NCAM2: variants seen among roughly 807,000 people sequenced by gnomAD.
NCAM2 encodes the protein N-CAM-2.
Under a neutral mutation model 98.1 loss-of-function variants are expected in NCAM2, and 30 were observed. The observed-to-expected ratio is 0.31, with a 90% CI of 0.23 to 0.41. The LOEUF is 0.41. NCAM2 is among the 10% of genes least tolerant of loss of function. The probability of loss-of-function intolerance (pLI) is 1.00; values close to 1 mark genes in which losing one functional copy is unlikely to be tolerated. For synonymous variants in NCAM2, 368 were observed against 342.4 expected (o/e 1.07, Z -0.83); for missense variants, 867 against 1,005.8 (o/e 0.86, Z 1.87).
At chr21:21,159,997 C>A (rs925118556) in intron 1 of NCAM2, among the ~76,000 whole-genome samples, 1 of 151,930 alleles carries the variant, frequency 6.6e-6, no homozygotes, top group Non-Finnish European at 1.5e-5. Context: ...ATACGGAAGA[C>A]CTGAGAAAAG....
intron 6 of NCAM2, among the ~76,000 whole-genome samples, chr21:21,325,247 G>A (rs890500644): frequency 1.3e-5 from 2 of 152,092 alleles, no homozygotes; most frequent in Non-Finnish European, 2.9e-5. Context: ...AAACCATATA[G>A]TGAAAAATTA....
chr21:21,125,012 G>C (rs896410777), intron 1 of NCAM2, among the ~76,000 whole-genome samples: 13 of 151,872 alleles, frequency 8.6e-5, no homozygotes, highest in Non-Finnish European at 1.5e-4. Flanking sequence ...TAAAAGCAAA[G>C]GTAATAAATG....
At chr21:21,389,612 T>C (rs1274686459) in intron 9 of NCAM2, among the ~76,000 whole-genome samples, 1 of 152,208 alleles carries the variant, frequency 6.6e-6, no homozygotes, top group Admixed American at 6.5e-5. Flanking sequence ...CAGCCTCTGG[T>C]AACCACCATT....
chr21:21,313,790 CATT>C lies in NCAM2; in HGVS notation c.620-10589_620-10587del, dbSNP rs141112761. Among the ~76,000 whole-genome samples the C allele has an allele frequency of 6.2e-3, 946 of 152,050 alleles. 12 individuals are homozygous for C. The highest frequency in any genetic ancestry group is 0.022 in the African/African-American group (908 of 41,522). On this transcript the variant is annotated intron_variant, in intron 5 of 17. Transcript: ENST00000400546. ...CTGCTCTAAATTCTTGATTATTGAA[CATT>C]ATTTAGAATTGTATTTTACTGTATC...
At chr21:21,262,831 A>G (rs1006235123) in intron 1 of NCAM2, among the ~76,000 whole-genome samples, 1 of 152,114 alleles carries the variant, frequency 6.6e-6, no homozygotes, top group Non-Finnish European at 1.5e-5. Context: ...CAATCATGGC[A>G]GAAGGTGAAA....
chr21:21,493,629 A>G (rs567896047), intron 15 of NCAM2, among the ~76,000 whole-genome samples: 14 of 152,058 alleles, frequency 9.2e-5, no homozygotes, highest in African/African-American at 3.1e-4. Flanking sequence ...TAAATTAATA[A>G]TGACCTGTAT....
At chr21:21,104,017 GTGTC>G (rs2066295079) in intron 1 of NCAM2, among the ~76,000 whole-genome samples, 1 of 152,066 alleles carries the variant, frequency 6.6e-6, no homozygotes, top group Non-Finnish European at 1.5e-5. Context: ...ACAAAGAAGG[GTGTC>G]TTTGATATCC....
At chr21:21,392,051 G>A (rs1235063073) in intron 9 of NCAM2, among the ~76,000 whole-genome samples, 1 of 152,134 alleles carries the variant, frequency 6.6e-6, no homozygotes, top group African/African-American at 2.4e-5. Context: ...CATCACCCAG[G>A]TATTAAGCCT....
intron 1 of NCAM2, among the ~76,000 whole-genome samples, chr21:21,151,997 G>C (rs954464861): frequency 6.6e-6 from 1 of 151,828 alleles, no homozygotes; most frequent in African/African-American, 2.4e-5. Context: ...TTGTGGGTTT[G>C]TATTGCTTAA....
chr21:21,021,405 A>T (rs1355993418), intron 1 of NCAM2, among the ~76,000 whole-genome samples: 2 of 152,180 alleles, frequency 1.3e-5, no homozygotes, highest in Non-Finnish European at 1.5e-5. Context: ...CTCATCAAGC[A>T]ATGGGTGGCT....
chr21:21,155,262 A>T (rs886982927), intron 1 of NCAM2, among the ~76,000 whole-genome samples: 6 of 151,200 alleles, frequency 4.0e-5, no homozygotes, highest in Non-Finnish European at 8.9e-5. Context: ...GCAACCCATT[A>T]TCTTTTCATA....
chr21:21,520,723 A>G (rs1569135691), intron 16 of NCAM2, among the ~76,000 whole-genome samples: 1 of 152,194 alleles, frequency 6.6e-6, no homozygotes. Context: ...TTGAAGAGGC[A>G]GAGAGGCAGA....
At chr21:21,035,872 C>A (rs1012492028) in intron 1 of NCAM2, among the ~76,000 whole-genome samples, 1 of 152,146 alleles carries the variant, frequency 6.6e-6, no homozygotes, top group Non-Finnish European at 1.5e-5. Flanking sequence ...GTTAAAGACA[C>A]AATTGACAAA....
At chr21:21,188,687 A>G (rs753709179) in intron 1 of NCAM2, among the ~76,000 whole-genome samples, 1 of 152,214 alleles carries the variant, frequency 6.6e-6, no homozygotes, top group Middle Eastern at 3.2e-3. Context: ...TGTAAATTGT[A>G]GATGACAAAA....
intron 16 of NCAM2, among the ~76,000 whole-genome samples, chr21:21,526,040 T>A (rs1989303583): frequency 6.6e-6 from 1 of 152,096 alleles, no homozygotes; most frequent in African/African-American, 2.4e-5. Context: ...CTTACATCAT[T>A]TTTTACATCT....
intron 9 of NCAM2, among the ~76,000 whole-genome samples, chr21:21,407,909 C>G (rs2076775624): frequency 6.6e-6 from 1 of 152,162 alleles, no homozygotes; most frequent in African/African-American, 2.4e-5. Flanking sequence ...TATAGTTGTT[C>G]CTTTAATCAG....
At chr21:21,496,772 C>T (rs1490407205) in intron 15 of NCAM2, among the ~76,000 whole-genome samples, 1 of 152,036 alleles carries the variant, frequency 6.6e-6, no homozygotes, top group African/African-American at 2.4e-5. Flanking sequence ...TTTAATCCAT[C>T]CCGAGTTAAG....
At chr21:21,466,986 G>A (rs917719572) in intron 13 of NCAM2, among the ~76,000 whole-genome samples, 10 of 151,946 alleles carry the variant, frequency 6.6e-5, no homozygotes, top group African/African-American at 1.2e-4. Context: ...TTGCAAAAGT[G>A]TCCTTCTTAC....
chr21:21,453,145 A>G (rs1214861130), intron 12 of NCAM2, among the ~76,000 whole-genome samples: 1 of 140,710 alleles, frequency 7.1e-6, no homozygotes, highest in Non-Finnish European at 1.5e-5. Flanking sequence ...GTTTATATAT[A>G]ATGTTTAATA....
Sources: allele counts gnomAD v4.1 joint callset (sites outside exome capture counted in the v4.1 genomes callset), GRCh38; gene constraint gnomAD v4.1.1; transcripts MANE v1.5; gene names NCBI Gene and HGNC (gene_info 2026-07-23, HGNC 2026-07-21).